NRXN3: variants seen among roughly 807,000 people sequenced by gnomAD.
NRXN3 encodes the protein neurexin 3, also known as neurexin III.
A neutral mutation model predicts 137.6 loss-of-function variants in NRXN3; 32 were observed. The ratio of observed to expected loss-of-function variants is 0.23; its 90% CI spans 0.18 to 0.31. The LOEUF is 0.31. Ranked by LOEUF, NRXN3 falls within the 10% of genes least tolerant of loss-of-function variation. The pLI is 1.00. For synonymous variants in NRXN3, 798 were observed against 784.5 expected, an observed-to-expected ratio of 1.02 and a Z score of -0.29; for missense variants, 1,574 against 2,062.5, an observed-to-expected ratio of 0.76 and a Z score of 4.59.
intron 4 of NRXN3, among the ~76,000 whole-genome samples, chr14:78,595,151 G>C (rs1329590173): frequency 6.6e-6 from 1 of 152,224 alleles, no homozygotes; most frequent in Non-Finnish European, 1.5e-5. Flanking sequence ...CTGTAGTTGG[G>C]TGGTCAGGGA....
chr14:78,320,048 G>A (rs1049531888), intron 4 of NRXN3, among the ~76,000 whole-genome samples: 9 of 152,304 alleles, frequency 5.9e-5, no homozygotes, highest in African/African-American at 2.2e-4. Context: ...ATTGGCTGAT[G>A]GCTCTGGTTT....
intron 19 of NRXN3, among the ~76,000 whole-genome samples, chr14:79,738,629 G>T (rs1490550774): frequency 6.6e-6 from 1 of 152,238 alleles, no homozygotes. Flanking sequence ...TGCGATCTTG[G>T]CTCACTGCAA....
intron 4 of NRXN3, among the ~76,000 whole-genome samples, chr14:78,456,946 CT>C (rs1458129436): frequency 2.2e-4 from 33 of 148,698 alleles, no homozygotes; most frequent in African/African-American, 8.2e-4. Flanking sequence ...CCTCCCTTCC[CT>C]TCCCTTCCTT....
chr14:78,170,952 C>CTTTTTT (rs545853025), intron 1 of NRXN3, among the ~76,000 whole-genome samples: 11 of 126,174 alleles, frequency 8.7e-5, no homozygotes, highest in Admixed American at 1.6e-4. Context: ...TCTTCTTCTT[C>CTTTTTT]TTTTTTTTTT....
chr14:79,316,058 C>G (rs1303854832), intron 15 of NRXN3, among the ~76,000 whole-genome samples: 1 of 152,164 alleles, frequency 6.6e-6, no homozygotes, highest in Non-Finnish European at 1.5e-5. Flanking sequence ...CCTTACTTAA[C>G]CTTACTTCAG....
chr14:78,235,611 TGTTATA>T (rs935561969), intron 1 of NRXN3, among the ~76,000 whole-genome samples: 10 of 150,202 alleles, frequency 6.7e-5, no homozygotes, highest in African/African-American at 2.2e-4. Flanking sequence ...AAAAAAAAAG[TGTTATA>T]GTTAAAGGTT....
intron 4 of NRXN3, among the ~76,000 whole-genome samples, chr14:78,414,542 T>C (rs1019056769): frequency 1.1e-4 from 17 of 152,206 alleles, no homozygotes; most frequent in Non-Finnish European, 2.1e-4. Flanking sequence ...AGAATAAGAA[T>C]CAGCCACTCT....
chr14:78,285,550 A>T (rs1371262608), intron 3 of NRXN3, among the ~76,000 whole-genome samples: 1 of 152,164 alleles, frequency 6.6e-6, no homozygotes, highest in Non-Finnish European at 1.5e-5. Flanking sequence ...CCCAGGAGAC[A>T]TCTCCTAGGG....
At chr14:79,472,078 G>A (rs1600795696) in intron 16 of NRXN3, among the ~76,000 whole-genome samples, 1 of 152,018 alleles carries the variant, frequency 6.6e-6, no homozygotes, top group Admixed American at 6.6e-5. Context: ...CACTTATAAG[G>A]GAGAACATGC....
At chr14:79,734,890 T>C (rs551953072) in intron 19 of NRXN3, among the ~76,000 whole-genome samples, 1 of 152,284 alleles carries the variant, frequency 6.6e-6, no homozygotes, top group Non-Finnish European at 1.5e-5. Context: ...AAATCCCCAG[T>C]GGCTTCTTGA....
chr14:79,282,460 C>A (rs972625572), intron 15 of NRXN3, among the ~76,000 whole-genome samples: 4 of 152,046 alleles, frequency 2.6e-5, no homozygotes, highest in African/African-American at 9.7e-5. Flanking sequence ...ATTTGCAGAG[C>A]AGTACTTCCC....
rs1391477605 is a variant in NRXN3 at position 79,026,948 on chromosome 14, TTTTATATATATATATATATATA to T, written c.3262+38809_3262+38830del. On this transcript the variant is annotated intron_variant, in intron 15 of 20. Transcript: ENST00000335750. ...GTATATATATATATAACTATTATAA[TTTTATATATATATATATATATA>T]TATATATATATATATATATATATAT... Among the ~76,000 whole-genome samples, 13 of 87,788 alleles carry T rather than the reference TTTTATATATATATATATATATA, an allele frequency of 1.5e-4. 1 individual carries two copies. The highest frequency in any genetic ancestry group is 0.015 in the Middle Eastern group (2 of 132). The allele number at this position is 87,788 out of a possible 152,430, so 57.6% of individuals were successfully genotyped here. A position where few individuals can be genotyped will look rare whatever the true frequency, so the allele number is the denominator to read the frequency against.
chr14:78,412,374 G>A (rs975241683), intron 4 of NRXN3, among the ~76,000 whole-genome samples: 1 of 152,170 alleles, frequency 6.6e-6, no homozygotes, highest in South Asian at 2.1e-4. Flanking sequence ...CTGTGAGAGG[G>A]AAATAACTTG....
chr14:79,315,858 AG>A (rs2088513159), intron 15 of NRXN3, among the ~76,000 whole-genome samples: 1 of 152,242 alleles, frequency 6.6e-6, no homozygotes, highest in Non-Finnish European at 1.5e-5. Context: ...TGCTACACAA[AG>A]CTTTATTTCT....
chr14:78,482,379 T>C (rs574736829), intron 4 of NRXN3, among the ~76,000 whole-genome samples: 1 of 152,266 alleles, frequency 6.6e-6, no homozygotes, highest in African/African-American at 2.4e-5. Context: ...GGCTATCCTG[T>C]CTCATAATAG....
At chr14:78,868,983 G>T (rs920567435) in intron 10 of NRXN3, among the ~76,000 whole-genome samples, 4 of 152,074 alleles carry the variant, frequency 2.6e-5, no homozygotes, top group Non-Finnish European at 5.9e-5. Context: ...GGTCCCGCTT[G>T]GCATGTGACA....
chr14:78,508,922 C>T (rs75012397), intron 4 of NRXN3, among the ~76,000 whole-genome samples: 1 of 152,146 alleles, frequency 6.6e-6, no homozygotes, highest in Non-Finnish European at 1.5e-5. Context: ...AGAGCATGAG[C>T]AATATTTTGT....
At chr14:79,841,617 C>G (rs2099356036) in intron 20 of NRXN3, among the ~76,000 whole-genome samples, 1 of 152,190 alleles carries the variant, frequency 6.6e-6, no homozygotes, top group South Asian at 2.1e-4. Flanking sequence ...TTTCACTGCC[C>G]TGATCACCAT....
chr14:79,232,045 G>C (rs750482704), intron 15 of NRXN3, among the ~76,000 whole-genome samples: 3 of 152,096 alleles, frequency 2.0e-5, no homozygotes, highest in African/African-American at 4.8e-5. Context: ...AATTGGAAAG[G>C]GAAGGAACAT....
Sources: allele counts gnomAD v4.1 joint callset (sites outside exome capture counted in the v4.1 genomes callset), GRCh38; gene constraint gnomAD v4.1.1; transcripts MANE v1.5; gene names NCBI Gene and HGNC (gene_info 2026-07-23, HGNC 2026-07-21).